Variants in ZBBX observed in about 807,000 individuals in gnomAD.
The protein encoded by ZBBX is zinc finger B-box domain containing, also known as zinc finger B-box domain-containing protein 1.
A neutral mutation model predicts 108.5 loss-of-function variants in ZBBX; 101 were observed. That is an observed-to-expected ratio of 0.93 (90% CI 0.79 to 1.10). The LOEUF is 1.10. ZBBX is among the 50% of genes least tolerant of loss of function. ZBBX has a pLI of 0.00. For synonymous variants in ZBBX, 356 were observed against 323.4 expected, an observed-to-expected ratio of 1.10 and a Z score of -1.08; for missense variants, 1,009 against 941.4, an observed-to-expected ratio of 1.07 and a Z score of -0.94.
chr3:167,201,872 T>C, the ZBBX span, among the ~76,000 whole-genome samples: 1 of 152,148 alleles, frequency 6.6e-6, no homozygotes, highest in African/African-American at 2.4e-5. Context: ...CTCTTTATTT[T>C]AGAAAAACCT....
the ZBBX span, among the ~76,000 whole-genome samples, chr3:167,196,605 A>G: frequency 6.6e-6 from 1 of 152,168 alleles, no homozygotes; most frequent in Non-Finnish European, 1.5e-5. Flanking sequence ...TCAACTGTTA[A>G]TAATTACTAA....
intron 9 of ZBBX, among the ~76,000 whole-genome samples, chr3:167,336,163 A>T (rs1020603825): frequency 6.6e-6 from 1 of 152,090 alleles, no homozygotes; most frequent in African/African-American, 2.4e-5. Context: ...AACACAAAAC[A>T]AAGATTATTT....
chr3:167,233,247 C>G, the ZBBX span, among the ~76,000 whole-genome samples: 25 of 152,004 alleles, frequency 1.6e-4, no homozygotes, highest in African/African-American at 5.1e-4. Flanking sequence ...ACTGAACCAA[C>G]TCTGGGCCCT....
At chr3:167,261,513 G>A (rs527459938) in intron 20 of ZBBX, among the ~76,000 whole-genome samples, 16 of 152,148 alleles carry the variant, frequency 1.1e-4, no homozygotes, top group Admixed American at 7.2e-4. Context: ...TGCAGCTGCT[G>A]TGGGGAATGG....
At chr3:167,252,358 T>C in intron 20 of ZBBX, 1 of 424,418 alleles carries the variant, frequency 2.4e-6, no homozygotes, top group Non-Finnish European at 4.2e-6. Flanking sequence ...TTTTCCAGAC[T>C]GCACCCTGAG....
At chr3:167,182,145 T>C in the ZBBX span, among the ~76,000 whole-genome samples, 1 of 152,276 alleles carries the variant, frequency 6.6e-6, no homozygotes, top group South Asian at 2.1e-4. Context: ...TCTTTTTTAG[T>C]GTGACCATGC....
upstream of ZBBX, among the ~76,000 whole-genome samples, chr3:167,382,894 T>C (rs767041154): frequency 6.6e-6 from 1 of 152,124 alleles, no homozygotes; most frequent in Non-Finnish European, 1.5e-5. Flanking sequence ...TCAAAGCTAA[T>C]GGTTTTATTG....
intron 9 of ZBBX, among the ~76,000 whole-genome samples, chr3:167,345,823 G>A (rs1741350021): frequency 6.6e-6 from 1 of 151,726 alleles, no homozygotes; most frequent in Non-Finnish European, 1.5e-5. Context: ...TACACTACAA[G>A]GCTACAGTAA....
the ZBBX span, among the ~76,000 whole-genome samples, chr3:167,206,955 C>T: frequency 0.18 from 28,060 of 152,066 alleles, 3,029 homozygotes; most frequent in Non-Finnish European, 0.25. Flanking sequence ...GAAATGGATC[C>T]ATCCTATACC....
intron 20 of ZBBX, among the ~76,000 whole-genome samples, chr3:167,269,393 A>T (rs547936370): frequency 1.3e-5 from 2 of 152,342 alleles, no homozygotes; most frequent in East Asian, 3.9e-4. Flanking sequence ...TGAGGCAGGA[A>T]CTAACTTATT....
At chr3:167,309,263 C>T (rs1312909856) in intron 16 of ZBBX, among the ~76,000 whole-genome samples, 1 of 152,200 alleles carries the variant, frequency 6.6e-6, no homozygotes, top group Non-Finnish European at 1.5e-5. Context: ...ACACCACTGG[C>T]TTGCATGGTG....
In ZBBX at chr3:167,300,074, C is replaced by T. The variant is rs571652030; in HGVS notation, c.1726-1616G>A. Reference sequence around the variant, plus strand: ...AGAACCTTTGGCACTCAGCTTAAGTCCTGTCTTACCAGTGGTGGAAAATTT... The same window carrying T: ...AGAACCTTTGGCACTCAGCTTAAGTTCTGTCTTACCAGTGGTGGAAAATTT... On this transcript the variant is annotated intron_variant, in intron 17 of 21. Transcript: ENST00000675490. Among the ~76,000 whole-genome samples, 9 of 152,256 alleles carry T rather than the reference C, an allele frequency of 5.9e-5. No individual in the cohort carries two copies. In the South Asian group the frequency reaches 1.9e-3, roughly 32 times the overall value.
the ZBBX span, among the ~76,000 whole-genome samples, chr3:167,186,195 T>C: frequency 6.6e-6 from 1 of 152,094 alleles, no homozygotes; most frequent in East Asian, 1.9e-4. Context: ...TTTGTTTTAA[T>C]TTCCATTTTT....
chr3:167,330,945 T>TCTCTCTCTCTTTCTCTCTCTC lies in ZBBX; in HGVS notation c.688-2830_688-2829insGAGAGAGAGAAAGAGAGAGAG, dbSNP rs1738465561. ...TATCTCTTCTCTCTCCTCTCTTTCT[T>TCTCTCTCTCTTTCTCTCTCTC]TCTCTCTCTCTCTCTCTCTCCCCCA... is the stretch of plus-strand genomic sequence containing the variant. On this transcript the variant is annotated intron_variant, in intron 10 of 21. Transcript: ENST00000675490. Among the ~76,000 whole-genome samples the TCTCTCTCTCTTTCTCTCTCTC allele has an allele frequency of 1.3e-4, 11 of 87,170 alleles. 1 individual carries two copies. The highest frequency in any genetic ancestry group is 2.4e-4 in the Non-Finnish European group (11 of 45,544). The allele number at this position is 87,170 out of a possible 152,430, so 57.2% of individuals were successfully genotyped here.
intron 20 of ZBBX, among the ~76,000 whole-genome samples, chr3:167,247,346 C>T (rs912323202): frequency 1.3e-4 from 20 of 152,148 alleles, no homozygotes; most frequent in Admixed American, 6.5e-4. Context: ...CTAGGGCAGT[C>T]GGAGGAGAGC....
intron 1 of ZBBX, 147 bp downstream of exon 1, chr3:167,380,100 G>T (rs1349698631): frequency 6.6e-6 from 1 of 152,248 alleles, no homozygotes; most frequent in Non-Finnish European, 1.5e-5. Flanking sequence ...TTGCTGGGCC[G>T]GTGCCTCCAG....
chr3:167,205,200 G>T, the ZBBX span, among the ~76,000 whole-genome samples: 1 of 152,034 alleles, frequency 6.6e-6, no homozygotes, highest in Admixed American at 6.6e-5. Flanking sequence ...TCCATAGAAG[G>T]TCTATTACAC....
chr3:167,348,072 T>C (rs923247369), intron 9 of ZBBX, among the ~76,000 whole-genome samples: 1 of 151,710 alleles, frequency 6.6e-6, no homozygotes, highest in Non-Finnish European at 1.5e-5. Context: ...CATTTTACTA[T>C]TTGTGGCTTA....
At chr3:167,318,471 A>T (rs1211933238) in intron 12 of ZBBX, among the ~76,000 whole-genome samples, 8 of 152,028 alleles carry the variant, frequency 5.3e-5, no homozygotes, top group Non-Finnish European at 1.2e-4. Context: ...TTGTTGAGTC[A>T]TTCAGGTAGT....
Sources: allele counts gnomAD v4.1 joint callset (sites outside exome capture counted in the v4.1 genomes callset), GRCh38; gene constraint gnomAD v4.1.1; transcripts MANE v1.5; gene names NCBI Gene and HGNC (gene_info 2026-07-23, HGNC 2026-07-21).